RBFOX1: variants seen among roughly 807,000 people sequenced by gnomAD.
RBFOX1 encodes the protein RNA binding fox-1 homolog 1, also known as RNA binding protein fox-1 homolog 1.
Under a neutral mutation model 57.7 loss-of-function variants are expected in RBFOX1, and 8 were observed. That is an observed-to-expected ratio of 0.14 (90% CI 0.08 to 0.25). The LOEUF is 0.25. RBFOX1 is among the 10% of genes least tolerant of loss of function. The pLI is 1.00. For missense variants in RBFOX1, 611 were observed against 548.5 expected (o/e 1.11, Z -1.14); for synonymous variants, 326 against 222.4 (o/e 1.47, Z -4.15).
At chr16:5,892,597 T>C (rs963184285) in intron 4 of RBFOX1, among the ~76,000 whole-genome samples, 17 of 152,154 alleles carry the variant, frequency 1.1e-4, no homozygotes, top group African/African-American at 3.9e-4. Flanking sequence ...ACCACTTTTT[T>C]TGTGAAACAG....
chr16:5,989,861 C>CAA, intron 4 of RBFOX1, among the ~76,000 whole-genome samples: 1 of 112,116 alleles, frequency 8.9e-6, no homozygotes, highest in African/African-American at 3.1e-5. Context: ...CACACACACA[C>CAA]ACACACACAC....
chr16:6,558,586 T>A (rs142458854), intron 2 of RBFOX1, among the ~76,000 whole-genome samples: 1 of 152,256 alleles, frequency 6.6e-6, no homozygotes, highest in Non-Finnish European at 1.5e-5. Context: ...CATGGGGCTT[T>A]TGGCTTTTGT....
chr16:7,487,379 T>C (rs1316908692), intron 4 of RBFOX1, among the ~76,000 whole-genome samples: 1 of 152,236 alleles, frequency 6.6e-6, no homozygotes, highest in East Asian at 1.9e-4. Flanking sequence ...AATGTGTTTA[T>C]GTGTCAGTGT....
intron 3 of RBFOX1, among the ~76,000 whole-genome samples, chr16:6,884,927 C>T (rs866289403): frequency 6.6e-6 from 1 of 152,010 alleles, no homozygotes; most frequent in African/African-American, 2.4e-5. Flanking sequence ...AAAAACCCTG[C>T]AAATATTAAG....
intron 11 of RBFOX1, among the ~76,000 whole-genome samples, chr16:7,642,687 G>C (rs978016368): frequency 6.6e-6 from 1 of 152,008 alleles, no homozygotes; most frequent in Non-Finnish European, 1.5e-5. Flanking sequence ...AAATTATTTG[G>C]GTTTTTTTTT....
intron 14 of RBFOX1, among the ~76,000 whole-genome samples, chr16:7,700,676 C>T (rs77352127): frequency 2.6e-5 from 4 of 152,120 alleles, no homozygotes; most frequent in Non-Finnish European, 4.4e-5. Flanking sequence ...AGAGAATGTG[C>T]CTACAGCTCC....
At chr16:5,286,538 A>C (rs1017288665) in intron 1 of RBFOX1, among the ~76,000 whole-genome samples, 2 of 152,200 alleles carry the variant, frequency 1.3e-5, no homozygotes, top group African/African-American at 4.8e-5. Context: ...ACCTGAGCAT[A>C]TGTCCTATTA....
At chr16:6,919,725 G>C (rs57851776) in intron 3 of RBFOX1, among the ~76,000 whole-genome samples, 35,005 of 150,166 alleles carry the variant, frequency 0.23, 4,354 homozygotes, top group Middle Eastern at 0.3. Flanking sequence ...TTATAGATAA[G>C]GAGAAAAATT....
intron 3 of RBFOX1, among the ~76,000 whole-genome samples, chr16:7,037,282 C>T (rs2153700951): frequency 7.2e-6 from 1 of 138,028 alleles, no homozygotes; most frequent in African/African-American, 2.8e-5. Context: ...TCTTGTTGCC[C>T]AGGCTGGAGT....
chr16:6,948,561 T>C (rs143574770), intron 3 of RBFOX1, among the ~76,000 whole-genome samples: 3 of 151,762 alleles, frequency 2.0e-5, no homozygotes, highest in African/African-American at 7.3e-5. Context: ...TTTTGATTTT[T>C]AGTAGAGACA....
chr16:5,963,316 A>G (rs1157899326), intron 4 of RBFOX1, among the ~76,000 whole-genome samples: 1 of 152,174 alleles, frequency 6.6e-6, no homozygotes, highest in African/African-American at 2.4e-5. Flanking sequence ...AGCAGTTATC[A>G]TTCCCACCAT....
At chr16:6,087,935 G>A (rs2152523783) in intron 1 of RBFOX1, among the ~76,000 whole-genome samples, 1 of 152,210 alleles carries the variant, frequency 6.6e-6, no homozygotes, top group Non-Finnish European at 1.5e-5. Flanking sequence ...ACAGGCGTCA[G>A]CCACCACACC....
chr16:5,625,215 A>T (rs188766580), intron 3 of RBFOX1, among the ~76,000 whole-genome samples: 2,897 of 151,572 alleles, frequency 0.019, 37 homozygotes, highest in Middle Eastern at 0.037. Context: ...AGGGCAGGAT[A>T]TTTTTTTTTC....
At chr16:7,664,859 C>A in intron 12 of RBFOX1, 70 bp from the exon 13 acceptor site, 2 of 1,613,246 alleles carry the variant, frequency 1.2e-6, no homozygotes, top group Non-Finnish European at 1.7e-6. Flanking sequence ...CTCGCCAGTG[C>A]AGGGGTTGGT....
intron 3 of RBFOX1, among the ~76,000 whole-genome samples, chr16:5,853,734 T>C (rs2056955300): frequency 6.6e-6 from 1 of 152,188 alleles, no homozygotes; most frequent in African/African-American, 2.4e-5. Context: ...GTACCCTAGC[T>C]AAGCCTGCTG....
intron 3 of RBFOX1, among the ~76,000 whole-genome samples, chr16:5,672,386 C>G (rs918007500): frequency 6.6e-6 from 1 of 152,142 alleles, no homozygotes; most frequent in African/African-American, 2.4e-5. Context: ...ACCATTTCTG[C>G]ACCTCTTCAG....
chr16:6,147,055 A>T (rs2096763676), intron 1 of RBFOX1, among the ~76,000 whole-genome samples: 1 of 152,190 alleles, frequency 6.6e-6, no homozygotes, highest in Non-Finnish European at 1.5e-5. Flanking sequence ...GGAGCTTGTT[A>T]GAGATACAGA....
At chr16:6,865,648 G>A (rs1241404655) in intron 3 of RBFOX1, among the ~76,000 whole-genome samples, 1 of 152,242 alleles carries the variant, frequency 6.6e-6, no homozygotes, top group Non-Finnish European at 1.5e-5. Context: ...TCTTCATGAC[G>A]TGTGATGACA....
chr16:6,756,632 A>C (rs1451270840), intron 3 of RBFOX1, among the ~76,000 whole-genome samples: 1 of 152,110 alleles, frequency 6.6e-6, no homozygotes, highest in Non-Finnish European at 1.5e-5. Context: ...AATAATAATA[A>C]TCCCATTTAA....
Sources: gnomAD v4.1 joint callset for allele counts (sites outside exome capture counted in the v4.1 genomes callset) on GRCh38, gnomAD v4.1.1 for gene constraint, MANE v1.5 for transcripts, NCBI Gene and HGNC (gene_info 2026-07-23, HGNC 2026-07-21) for gene names.